The following KCNIP4 variants were observed in gnomAD, a reference collection of about 807,000 sequenced individuals.
The protein encoded by KCNIP4 is Kv channel-interacting protein 4.
In KCNIP4, 12 loss-of-function variants were observed where a neutral mutation model predicts 34.0. That is an observed-to-expected ratio of 0.35 (90% confidence interval 0.23 to 0.57). KCNIP4 has a LOEUF of 0.57. KCNIP4 is among the 20% of genes least tolerant of loss of function. The pLI is 0.83. For synonymous variants in KCNIP4, 124 were observed against 102.2 expected (o/e 1.21, Z -1.29); for missense variants, 238 against 311.7 (o/e 0.76, Z 1.78).
intron 1 of KCNIP4, among the ~76,000 whole-genome samples, chr4:21,657,040 A>G (rs1450487602): frequency 6.6e-6 from 1 of 152,148 alleles, no homozygotes; most frequent in African/African-American, 2.4e-5. Context: ...ATTTCCCTTC[A>G]TTCAGGAAGC....
At chr4:21,430,156 T>C (rs1216646575) in intron 1 of KCNIP4, among the ~76,000 whole-genome samples, 5 of 152,118 alleles carry the variant, frequency 3.3e-5, no homozygotes, top group Non-Finnish European at 7.4e-5. Context: ...TCTAGTACAA[T>C]TTATTTCCCT....
chr4:20,736,018 A>C (rs929330137), intron 5 of KCNIP4, among the ~76,000 whole-genome samples: 6 of 152,132 alleles, frequency 3.9e-5, no homozygotes, highest in Non-Finnish European at 8.8e-5. Context: ...GAATTTCTCA[A>C]AATGTTTTTT....
At chr4:20,845,993 A>C (rs374900347) in intron 3 of KCNIP4, among the ~76,000 whole-genome samples, 1 of 152,206 alleles carries the variant, frequency 6.6e-6, no homozygotes, top group East Asian at 1.9e-4. Flanking sequence ...ATTATGAATG[A>C]ATGTTTTCTA....
At chr4:21,186,315 C>A (rs906150311) in intron 1 of KCNIP4, among the ~76,000 whole-genome samples, 1 of 152,180 alleles carries the variant, frequency 6.6e-6, no homozygotes, top group African/African-American at 2.4e-5. Flanking sequence ...ACACATCTGG[C>A]AACACCTACA....
intron 1 of KCNIP4, among the ~76,000 whole-genome samples, chr4:21,791,639 G>A (rs752578116): frequency 3.3e-5 from 5 of 152,076 alleles, no homozygotes; most frequent in African/African-American, 4.8e-5. Context: ...AAAGTTGACT[G>A]CTTTTTCCTA....
intron 1 of KCNIP4, among the ~76,000 whole-genome samples, chr4:21,606,989 C>G (rs1232250255): frequency 6.6e-6 from 1 of 152,036 alleles, no homozygotes; most frequent in African/African-American, 2.4e-5. Flanking sequence ...ACATATAACT[C>G]AGGAAAATCT....
At chr4:21,245,485 T>C (rs1363454277) in intron 1 of KCNIP4, among the ~76,000 whole-genome samples, 1 of 152,224 alleles carries the variant, frequency 6.6e-6, no homozygotes, top group Non-Finnish European at 1.5e-5. Flanking sequence ...CAAACTTTTG[T>C]ATTTTGTGCT....
At chr4:21,700,897 C>A (rs1237756342) in intron 1 of KCNIP4, among the ~76,000 whole-genome samples, 1 of 152,100 alleles carries the variant, frequency 6.6e-6, no homozygotes, top group African/African-American at 2.4e-5. Context: ...GTCAAAACTA[C>A]TTCTGGGGAT....
intron 1 of KCNIP4, among the ~76,000 whole-genome samples, chr4:21,288,977 T>C (rs1763281411): frequency 6.6e-6 from 1 of 152,196 alleles, no homozygotes; most frequent in Non-Finnish European, 1.5e-5. Context: ...CCCCACTTGT[T>C]AATAAAGGAA....
At chr4:21,176,534 T>A (rs1754422684) in intron 1 of KCNIP4, among the ~76,000 whole-genome samples, 1 of 152,378 alleles carries the variant, frequency 6.6e-6, no homozygotes, top group African/African-American at 2.4e-5. Context: ...TTTTTATTTT[T>A]GTGATGGAGT....
At chr4:21,427,295 A>C (rs1726018088) in intron 1 of KCNIP4, among the ~76,000 whole-genome samples, 1 of 151,830 alleles carries the variant, frequency 6.6e-6, no homozygotes, top group Non-Finnish European at 1.5e-5. Context: ...CAATGTGTTA[A>C]GCCACGGGAA....
At chr4:21,803,976 G>A (rs541906322) in intron 1 of KCNIP4, among the ~76,000 whole-genome samples, 1 of 152,272 alleles carries the variant, frequency 6.6e-6, no homozygotes, top group Admixed American at 6.5e-5. Context: ...ATTGCAACAA[G>A]GGAGAAAGCA....
chr4:21,868,584 C>T (rs1725569667), intron 1 of KCNIP4, among the ~76,000 whole-genome samples: 1 of 152,126 alleles, frequency 6.6e-6, no homozygotes, highest in African/African-American at 2.4e-5. Context: ...CACTAAGGTA[C>T]TTGAAAGAGT....
At chr4:21,093,420 A>T (rs535805660) in intron 1 of KCNIP4, among the ~76,000 whole-genome samples, 3 of 152,360 alleles carry the variant, frequency 2.0e-5, no homozygotes, top group African/African-American at 7.2e-5. Flanking sequence ...ACCTTATAAA[A>T]TTAGAAAAGC....
intron 1 of KCNIP4, among the ~76,000 whole-genome samples, chr4:21,942,761 TTA>T (rs1578168218): frequency 1.3e-5 from 2 of 152,286 alleles, no homozygotes; most frequent in East Asian, 3.9e-4. Context: ...TTTTGTTTTG[TTA>T]TGTTTTGTTT....
At chr4:21,291,726 C>T (rs189850775) in intron 1 of KCNIP4, among the ~76,000 whole-genome samples, 1,696 of 150,766 alleles carry the variant, frequency 0.011, 19 homozygotes, top group Non-Finnish European at 0.017. Flanking sequence ...TGGTGGTGGG[C>T]GCCTGTAGTC....
chr4:21,409,164 T>C (rs1418207061), intron 1 of KCNIP4, among the ~76,000 whole-genome samples: 1 of 151,986 alleles, frequency 6.6e-6, no homozygotes, highest in Non-Finnish European at 1.5e-5. Context: ...TGGAATGCAA[T>C]GGCATGATCA....
intron 1 of KCNIP4, among the ~76,000 whole-genome samples, chr4:21,170,157 A>T (rs1753916085): frequency 6.6e-6 from 1 of 152,140 alleles, no homozygotes; most frequent in South Asian, 2.1e-4. Context: ...TGATAGTCAA[A>T]CTAGATAGTA....
intron 1 of KCNIP4, among the ~76,000 whole-genome samples, chr4:21,216,972 C>T (rs964188880): frequency 6.6e-6 from 1 of 152,148 alleles, no homozygotes; most frequent in Admixed American, 6.6e-5. Flanking sequence ...AATTACTGTA[C>T]TCTGAATACC....
Sources: allele counts gnomAD v4.1 joint callset (sites outside exome capture counted in the v4.1 genomes callset), GRCh38; gene constraint gnomAD v4.1.1; transcripts MANE v1.5; gene names NCBI Gene and HGNC (gene_info 2026-07-23, HGNC 2026-07-21).